Variants in ZNF609 observed in about 807,000 individuals in gnomAD.
ZNF609 encodes the protein zinc finger protein 609.
ZNF609 carries 11 observed loss-of-function variants against 109.5 expected under a neutral mutation model. The ratio of observed to expected loss-of-function variants is 0.10; its 90% CI spans 0.06 to 0.17. ZNF609 has a LOEUF of 0.17. Among genes scored for constraint, ZNF609 ranks in the 10% least tolerant of loss-of-function variants. The pLI, the probability that ZNF609 is intolerant of heterozygous loss-of-function variation, is 1.00. For missense variants in ZNF609, 1,559 were observed against 1,772.4 expected (o/e 0.88, Z 2.16); for synonymous variants, 646 against 662.0 (o/e 0.98, Z 0.37).
chr15:64,648,185 G>A (rs977861441), intron 3 of ZNF609, among the ~76,000 whole-genome samples: 5 of 152,108 alleles, frequency 3.3e-5, no homozygotes, highest in African/African-American at 4.8e-5. Flanking sequence ...GTGAGGCAGC[G>A]TAGTTAAAAA....
chr15:64,611,381 C>A (rs950968818), intron 2 of ZNF609, among the ~76,000 whole-genome samples: 13 of 152,170 alleles, frequency 8.5e-5, no homozygotes, highest in African/African-American at 3.1e-4. Context: ...GGAGATGCTT[C>A]ATTCAGCAAA....
intron 2 of ZNF609, among the ~76,000 whole-genome samples, chr15:64,510,125 C>A (rs1229302875): frequency 2.0e-5 from 3 of 151,786 alleles, no homozygotes; most frequent in Admixed American, 6.6e-5. Context: ...AGGGTGAGTA[C>A]AGTACAATAT....
chr15:64,636,262 G>A (rs757767879), intron 3 of ZNF609, among the ~76,000 whole-genome samples: 6 of 152,110 alleles, frequency 3.9e-5, no homozygotes, highest in Non-Finnish European at 8.8e-5. Flanking sequence ...CTATCCCTGT[G>A]CTTACTCCTG....
In ZNF609 at chr15:64,675,809, C is replaced by T; in HGVS notation, c.2955C>T (p.Tyr985=). 2.5e-6 allele frequency: 4 copies of T among 1,614,222 alleles called. No homozygotes were observed. The highest frequency in any genetic ancestry group is 3.4e-6 in the Non-Finnish European group (4 of 1,180,040). Residue 985 remains tyrosine, a synonymous_variant, in exon 5 of 10, where the codon TAC becomes TAT. Transcript: ENST00000326648. ...ATGCCTATGTACCCCCCTATGGCTA[C>T]AGCGACCAGAGTTACCACACCCACC... is the stretch of plus-strand genomic sequence containing the variant. ...NQYAYVPPYG[Y]SDQSYHTHLL...
intron 2 of ZNF609, among the ~76,000 whole-genome samples, chr15:64,558,303 A>T (rs1035947468): frequency 6.6e-6 from 1 of 151,764 alleles, no homozygotes; most frequent in African/African-American, 2.4e-5. Context: ...CTGGGTTCCA[A>T]TCCTGGTTCT....
chr15:64,622,389 A>T (rs193269832), intron 2 of ZNF609, among the ~76,000 whole-genome samples: 192 of 152,238 alleles, frequency 1.3e-3, no homozygotes, highest in Middle Eastern at 6.8e-3. Flanking sequence ...TTGCTGAATG[A>T]TAGATTGGTA....
In ZNF609 at chr15:64,584,521, G is replaced by A. The variant is rs190021133; in HGVS notation, c.748-38306G>A. On this transcript the variant is annotated intron_variant, in intron 2 of 9. Transcript: ENST00000326648. Reference sequence around the variant, plus strand: ...TCGCCATGTTAGCCAGGCTGGTCTCGAACTCGTGACCTCAAGTAATCCACC... The same window carrying A: ...TCGCCATGTTAGCCAGGCTGGTCTCAAACTCGTGACCTCAAGTAATCCACC... 9.5e-4 allele frequency among the ~76,000 whole-genome samples: 145 copies of A among 152,076 alleles called. 1 individual carries two copies. The highest frequency in any genetic ancestry group is 3.1e-3 in the African/African-American group (130 of 41,468).
chr15:64,523,976 A>T (rs1893930745), intron 2 of ZNF609, among the ~76,000 whole-genome samples: 1 of 150,790 alleles, frequency 6.6e-6, no homozygotes, highest in Admixed American at 6.6e-5. Context: ...TAACTGGAAA[A>T]TTTTTTGGAA....
chr15:64,594,259 A>ATGTTT (rs1427520523), intron 2 of ZNF609, among the ~76,000 whole-genome samples: 2 of 151,938 alleles, frequency 1.3e-5, no homozygotes, highest in East Asian at 1.9e-4. Flanking sequence ...CATATGCACT[A>ATGTTT]TGTTTTGTTT....
At chr15:64,663,440 G>A (rs940015028) in intron 3 of ZNF609, among the ~76,000 whole-genome samples, 3 of 152,172 alleles carry the variant, frequency 2.0e-5, no homozygotes, top group South Asian at 2.1e-4. Context: ...TTGTTAAGGA[G>A]AGGATGGGTA....
intron 4 of ZNF609, among the ~76,000 whole-genome samples, 172 bp from the exon 5 acceptor site, chr15:64,673,744 G>A (rs1896768024): frequency 6.6e-6 from 1 of 152,182 alleles, no homozygotes. Context: ...CAGCTAACGT[G>A]TATCCCAGGA....
chr15:64,496,761 G>T (rs1481633117), intron 1 of ZNF609, among the ~76,000 whole-genome samples: 3 of 151,902 alleles, frequency 2.0e-5, no homozygotes, highest in African/African-American at 7.3e-5. Flanking sequence ...TTCCAAACAG[G>T]TTACTAATTT....
intron 3 of ZNF609, among the ~76,000 whole-genome samples, chr15:64,634,341 G>A (rs959451199): frequency 6.6e-6 from 1 of 152,174 alleles, no homozygotes; most frequent in Non-Finnish European, 1.5e-5. Flanking sequence ...TAGTCTGCCT[G>A]TGGTAGCTCC....
intron 2 of ZNF609, among the ~76,000 whole-genome samples, chr15:64,525,460 T>A (rs1893956376): frequency 6.6e-6 from 1 of 152,222 alleles, no homozygotes; most frequent in South Asian, 2.1e-4. Flanking sequence ...TATGGCAGTA[T>A]TACAATCTTG....
At chr15:64,561,661 G>A (rs182916207) in intron 2 of ZNF609, among the ~76,000 whole-genome samples, 71 of 151,064 alleles carry the variant, frequency 4.7e-4, no homozygotes, top group African/African-American at 1.6e-3. Context: ...CTCCTAAAGT[G>A]CTGGGATTAC....
At chr15:64,658,888 CAA>C (rs143515826) in intron 3 of ZNF609, among the ~76,000 whole-genome samples, 2,423 of 151,982 alleles carry the variant, frequency 0.016, 68 homozygotes, top group African/African-American at 0.056. Flanking sequence ...TTTAGAAACT[CAA>C]AGTGTGTATT....
At position 64,587,097 on chromosome 15, in the gene ZNF609, G is replaced by A. The variant is rs114054924; in HGVS notation, c.748-35730G>A. The stretch of plus-strand genomic sequence containing the variant: ...ATATTTTAGGAGAGGCTACTCTACA[G>A]AACAGGAAATGACATAATTTAACTC... On this transcript the variant is annotated intron_variant, in intron 2 of 9. Coordinates refer to ENST00000326648, the MANE Select transcript of ZNF609 (RefSeq NM_015042.2). Among the ~76,000 whole-genome samples the A allele has an allele frequency of 3.0e-3, 450 of 152,310 alleles. 3 individuals carry two copies. Among genetic ancestry groups the A allele is most frequent in the African/African-American group, 0.01 (423 of 41,570 alleles).
At chr15:64,638,046 T>TAAAATATATATAAAAATAC (rs1248574877) in intron 3 of ZNF609, among the ~76,000 whole-genome samples, 10 of 146,166 alleles carry the variant, frequency 6.8e-5, no homozygotes, top group Admixed American at 1.4e-4. Flanking sequence ...TATATATATA[T>TAAAATATATATAAAAATAC]ATGTATTTAC....
At chr15:64,474,385 G>T (rs925855330) in intron 1 of ZNF609, among the ~76,000 whole-genome samples, 7 of 150,412 alleles carry the variant, frequency 4.7e-5, no homozygotes, top group African/African-American at 1.7e-4. Context: ...GGCTAATTTT[G>T]TATTTTTAGT....
Sources: gnomAD v4.1 joint callset for allele counts (sites outside exome capture counted in the v4.1 genomes callset) on GRCh38, gnomAD v4.1.1 for gene constraint, MANE v1.5 for transcripts, NCBI Gene and HGNC (gene_info 2026-07-23, HGNC 2026-07-21) for gene names.